SPMIP3: variants seen among roughly 807,000 people sequenced by gnomAD.
The protein encoded by SPMIP3 is sperm microtubule inner protein 3, also known as protein SPMIP3.
At chr1:244,368,865 T>C in the SPMIP3 span, among the ~76,000 whole-genome samples, 1 of 152,258 alleles carries the variant, frequency 6.6e-6, no homozygotes, top group Non-Finnish European at 1.5e-5. Flanking sequence ...AATTCTTGTA[T>C]TCATCATCAT....
chr1:244,370,836 C>T, the SPMIP3 span, among the ~76,000 whole-genome samples: 3 of 152,138 alleles, frequency 2.0e-5, no homozygotes, highest in African/African-American at 7.2e-5. Context: ...TTTAAGTGGA[C>T]TTTACTACTT....
chr1:244,367,201 A>G, the SPMIP3 span, among the ~76,000 whole-genome samples: 1 of 152,138 alleles, frequency 6.6e-6, no homozygotes, highest in Non-Finnish European at 1.5e-5. Context: ...TAGAGGCAGG[A>G]GAAGTTCCCG....
chr1:244,388,904 G>T, the SPMIP3 span: 1 of 1,446,590 alleles, frequency 6.9e-7, no homozygotes. Flanking sequence ...TTAAAAATTA[G>T]GAGTGAGTAG....
At chr1:244,383,160 C>G in the SPMIP3 span, among the ~76,000 whole-genome samples, 4 of 152,138 alleles carry the variant, frequency 2.6e-5, no homozygotes, top group African/African-American at 9.7e-5. Context: ...AAGTGCCAGT[C>G]AATGTGACAG....
At chr1:244,366,210 T>TAATAAATAAATAA in the SPMIP3 span, among the ~76,000 whole-genome samples, 1 of 152,224 alleles carries the variant, frequency 6.6e-6, no homozygotes, top group East Asian at 1.9e-4. Context: ...AGTCTGGCTC[T>TAATAAATAAATAA]GTTGCCCAGG....
At chr1:244,382,433 C>T in the SPMIP3 span, among the ~76,000 whole-genome samples, 3 of 151,996 alleles carry the variant, frequency 2.0e-5, no homozygotes, top group African/African-American at 7.3e-5. Context: ...AAGGGCTTGG[C>T]ATATTTGAGG....
the SPMIP3 span, among the ~76,000 whole-genome samples, chr1:244,379,783 C>T: frequency 6.6e-6 from 1 of 152,046 alleles, no homozygotes; most frequent in African/African-American, 2.4e-5. Flanking sequence ...AGTTCAGCAC[C>T]AGCCTGCCCA....
At chr1:244,378,727 G>C in the SPMIP3 span, 2 of 1,407,086 alleles carry the variant, frequency 1.4e-6, no homozygotes, top group Non-Finnish European at 1.9e-6. Flanking sequence ...CTGTCTCAGG[G>C]AGCCTGTTTG....
the SPMIP3 span, chr1:244,375,626 AAT>A: frequency 2.0e-6 from 1 of 508,076 alleles, no homozygotes; most frequent in Non-Finnish European, 3.4e-6. Context: ...CCAAACTGTT[AAT>A]GTTTTTTTTT....
the SPMIP3 span, among the ~76,000 whole-genome samples, chr1:244,359,651 A>C: frequency 6.6e-6 from 1 of 151,804 alleles, no homozygotes; most frequent in Non-Finnish European, 1.5e-5. Flanking sequence ...TAAACACAGG[A>C]GGCGGAGGCT....
the SPMIP3 span, among the ~76,000 whole-genome samples, chr1:244,380,269 G>C: frequency 2.0e-5 from 3 of 151,560 alleles, no homozygotes; most frequent in Non-Finnish European, 4.4e-5. Flanking sequence ...ACAGGTATGC[G>C]CCACCATGCC....
chr1:244,371,915 A>T, the SPMIP3 span, among the ~76,000 whole-genome samples: 1 of 152,172 alleles, frequency 6.6e-6, no homozygotes, highest in East Asian at 1.9e-4. Flanking sequence ...TTTACCATCC[A>T]GGGCTCAGTC....
At chr1:244,389,104 T>A in the SPMIP3 span, 3 of 1,526,758 alleles carry the variant, frequency 2.0e-6, no homozygotes, top group East Asian at 6.8e-5. Context: ...TTTGGCATTC[T>A]TAGGTGGCCC....
the SPMIP3 span, among the ~76,000 whole-genome samples, chr1:244,371,621 C>T: frequency 2.0e-5 from 3 of 152,194 alleles, no homozygotes; most frequent in African/African-American, 7.2e-5. Context: ...TAAGGAGCAG[C>T]GCTGAGTTTA....
At chr1:244,378,137 G>T in the SPMIP3 span, among the ~76,000 whole-genome samples, 1 of 152,046 alleles carries the variant, frequency 6.6e-6, no homozygotes, top group East Asian at 1.9e-4. Flanking sequence ...ACAAACATCC[G>T]CAGAACAGTT....
the SPMIP3 span, among the ~76,000 whole-genome samples, chr1:244,370,181 CCACCAAGT>C: frequency 6.6e-6 from 1 of 152,132 alleles, no homozygotes; most frequent in Middle Eastern, 3.2e-3. Flanking sequence ...GAGATGTTAG[CCACCAAGT>C]ACAAATGTCT....
At chr1:244,359,956 A>C in the SPMIP3 span, among the ~76,000 whole-genome samples, 1 of 151,248 alleles carries the variant, frequency 6.6e-6, no homozygotes, top group Non-Finnish European at 1.5e-5. Context: ...AAAAATACAA[A>C]AAATTAGCTG....
the SPMIP3 span, among the ~76,000 whole-genome samples, chr1:244,353,467 G>C: frequency 6.6e-6 from 1 of 152,204 alleles, no homozygotes; most frequent in Non-Finnish European, 1.5e-5. Flanking sequence ...CCAAAGCCTG[G>C]TGGAGAGTTG....
chr1:244,354,715 T>C, the SPMIP3 span, among the ~76,000 whole-genome samples: 3 of 152,320 alleles, frequency 2.0e-5, no homozygotes, highest in African/African-American at 7.2e-5. Flanking sequence ...GATGCCAATT[T>C]TTTAAATGTT....
Sources: allele counts gnomAD v4.1 joint callset (sites outside exome capture counted in the v4.1 genomes callset), GRCh38; gene constraint gnomAD v4.1.1; transcripts MANE v1.5; gene names NCBI Gene and HGNC (gene_info 2026-07-23, HGNC 2026-07-21).